PTCSC3: variants seen among roughly 807,000 people sequenced by gnomAD.
PTCSC3 encodes the protein papillary thyroid carcinoma susceptibility candidate 3, also known as papillary thyroid carcinoma susceptibility candidate 3 (non-protein coding).
intron 2 of PTCSC3, among the ~76,000 whole-genome samples, chr14:36,162,235 G>C (rs145315760): frequency 1.5e-5 from 2 of 137,128 alleles, no homozygotes; most frequent in Admixed American, 7.9e-5. Flanking sequence ...TCTCACTGGC[G>C]TTCCAGGAGC....
chr14:36,141,933 A>T (rs1345843717), intron 3 of PTCSC3, among the ~76,000 whole-genome samples: 1 of 151,966 alleles, frequency 6.6e-6, no homozygotes, highest in African/African-American at 2.4e-5. Context: ...AATTCCAGGA[A>T]TTTTTTTTCC....
chr14:36,140,365 G>A (rs982766746), intron 3 of PTCSC3, among the ~76,000 whole-genome samples: 1 of 152,144 alleles, frequency 6.6e-6, no homozygotes, highest in East Asian at 1.9e-4. Context: ...AAATACTTAA[G>A]AGCATATTGG....
chr14:36,166,448 A>C (rs1882088642), intron 1 of PTCSC3, among the ~76,000 whole-genome samples: 1 of 152,202 alleles, frequency 6.6e-6, no homozygotes, highest in African/African-American at 2.4e-5. Context: ...AAAAAGTTCA[A>C]ATATTCCAGA....
At chr14:36,148,927 G>A (rs1011091875) in intron 3 of PTCSC3, among the ~76,000 whole-genome samples, 2 of 151,970 alleles carry the variant, frequency 1.3e-5, no homozygotes, top group South Asian at 4.2e-4. Flanking sequence ...CTGGCTAAGG[G>A]TTTATCAATT....
chr14:36,147,486 G>A (rs1476096815), intron 3 of PTCSC3, among the ~76,000 whole-genome samples: 3 of 151,996 alleles, frequency 2.0e-5, no homozygotes, highest in African/African-American at 7.3e-5. Context: ...TCTTCACGTT[G>A]TTCTTGAGCC....
chr14:36,162,258 G>GAAAAAAAAAAAAAAAAA (rs58223160), intron 2 of PTCSC3, among the ~76,000 whole-genome samples: 1 of 106,544 alleles, frequency 9.4e-6, no homozygotes, highest in African/African-American at 4.8e-5. Context: ...CTGGGGTATG[G>GAAAAAAAAAAAAAAAAA]AAAAAAAAAA....
At chr14:36,136,598 G>C (rs1193392351) in intron 3 of PTCSC3, among the ~76,000 whole-genome samples, 1 of 152,070 alleles carries the variant, frequency 6.6e-6, no homozygotes, top group Non-Finnish European at 1.5e-5. Flanking sequence ...ATGAGGAAGG[G>C]AGATAGGGCA....
intron 1 of PTCSC3, among the ~76,000 whole-genome samples, chr14:36,171,704 G>GT (rs1244744921): frequency 2.6e-5 from 4 of 152,126 alleles, no homozygotes; most frequent in South Asian, 4.1e-4. Context: ...TCAAAGGCAA[G>GT]CAAGATGCAT....
At chr14:36,143,551 G>C (rs1331541615) in intron 3 of PTCSC3, among the ~76,000 whole-genome samples, 1 of 148,178 alleles carries the variant, frequency 6.7e-6, no homozygotes, top group Non-Finnish European at 1.5e-5. Context: ...GTAGATTCTG[G>C]ATATTAGCCC....
chr14:36,163,799 C>A (rs189757552), intron 1 of PTCSC3, among the ~76,000 whole-genome samples: 39 of 152,286 alleles, frequency 2.6e-4, no homozygotes, highest in African/African-American at 8.7e-4. Context: ...TATCTTTATA[C>A]TTTGTCAGTG....
chr14:36,169,364 G>A (rs549344827), intron 1 of PTCSC3, among the ~76,000 whole-genome samples: 1 of 152,252 alleles, frequency 6.6e-6, no homozygotes, highest in South Asian at 2.1e-4. Context: ...TATTCGTGGT[G>A]TCTCAGATCT....
intron 2 of PTCSC3, among the ~76,000 whole-genome samples, chr14:36,154,314 C>A (rs183965877): frequency 1.3e-5 from 2 of 151,968 alleles, no homozygotes; most frequent in Non-Finnish European, 2.9e-5. Flanking sequence ...AACTTATGTA[C>A]ATTATTACTT....
intron 1 of PTCSC3, among the ~76,000 whole-genome samples, chr14:36,174,745 G>A (rs976629100): frequency 1.3e-5 from 2 of 152,214 alleles, no homozygotes; most frequent in South Asian, 2.1e-4. Flanking sequence ...AAATCTTGTC[G>A]GGGTTTGGTT....
At chr14:36,152,191 C>A (rs1881738559) in intron 3 of PTCSC3, among the ~76,000 whole-genome samples, 1 of 151,530 alleles carries the variant, frequency 6.6e-6, no homozygotes, top group South Asian at 2.1e-4. Context: ...AATATATCTT[C>A]ATGATTTGAG....
intron 3 of PTCSC3, among the ~76,000 whole-genome samples, chr14:36,152,434 C>G (rs1881743939): frequency 6.6e-6 from 1 of 152,024 alleles, no homozygotes; most frequent in Non-Finnish European, 1.5e-5. Context: ...CCACTGCACT[C>G]TAGCCTGGGC....
intron 1 of PTCSC3, among the ~76,000 whole-genome samples, chr14:36,173,811 A>G (rs1034360429): frequency 6.6e-6 from 1 of 152,084 alleles, no homozygotes; most frequent in East Asian, 1.9e-4. Context: ...TCTTCAGCAA[A>G]TGTCTTTATT....
intron 1 of PTCSC3, among the ~76,000 whole-genome samples, chr14:36,173,363 C>T (rs1882223326): frequency 6.6e-6 from 1 of 152,124 alleles, no homozygotes; most frequent in African/African-American, 2.4e-5. Context: ...CACTGTAACT[C>T]TGAATCATAG....
intron 3 of PTCSC3, among the ~76,000 whole-genome samples, chr14:36,139,142 AAAT>A (rs1881361683): frequency 8.1e-6 from 1 of 123,570 alleles, no homozygotes; most frequent in African/African-American, 3.2e-5. Context: ...AAAAAAAAAG[AAAT>A]GCATATATGT....
At chr14:36,161,027 G>T (rs1273796164) in intron 2 of PTCSC3, among the ~76,000 whole-genome samples, 1 of 152,060 alleles carries the variant, frequency 6.6e-6, no homozygotes, top group Admixed American at 6.6e-5. Context: ...TGATACTTGT[G>T]TATGCTTCAT....
Sources: gnomAD v4.1 joint callset for allele counts (sites outside exome capture counted in the v4.1 genomes callset) on GRCh38, gnomAD v4.1.1 for gene constraint, MANE v1.5 for transcripts, NCBI Gene and HGNC (gene_info 2026-07-23, HGNC 2026-07-21) for gene names.